AGTPBP1: variants seen among roughly 807,000 people sequenced by gnomAD.
AGTPBP1 encodes the protein ATP/GTP binding carboxypeptidase 1, also known as cytosolic carboxypeptidase 1.
Under a neutral mutation model 143.9 loss-of-function variants are expected in AGTPBP1, and 70 were observed. The observed-to-expected ratio is 0.49, with a 90% CI of 0.40 to 0.59. The LOEUF (loss-of-function observed/expected upper bound fraction) is 0.59. Ranked by LOEUF, AGTPBP1 falls within the 20% of genes least tolerant of loss-of-function variation. The probability of loss-of-function intolerance (pLI) is 0.00; values close to 1 mark genes in which losing one functional copy is unlikely to be tolerated. For synonymous variants in AGTPBP1, 463 were observed against 500.2 expected (o/e 0.93, Z 0.99); for missense variants, 1,229 against 1,464.5 (o/e 0.84, Z 2.62).
At chr9:85,681,745 C>CTTTTTTT (rs1204253430) in intron 3 of AGTPBP1, among the ~76,000 whole-genome samples, 10 of 105,896 alleles carry the variant, frequency 9.4e-5, no homozygotes, top group East Asian at 3.5e-4. Context: ...GCATTAATAT[C>CTTTTTTT]TTTTTTTTTT....
chr9:85,756,995 T>C, the AGTPBP1 span, among the ~76,000 whole-genome samples: 1 of 149,440 alleles, frequency 6.7e-6, no homozygotes, highest in African/African-American at 2.4e-5. Flanking sequence ...GTGTGGGGTT[T>C]CTTTTTTTTG....
At chr9:85,693,496 G>A (rs1407249307) in intron 2 of AGTPBP1, among the ~76,000 whole-genome samples, 1 of 152,154 alleles carries the variant, frequency 6.6e-6, no homozygotes, top group Non-Finnish European at 1.5e-5. Flanking sequence ...TACTTGGGAG[G>A]CTGAGACAGG....
rs55882437 is a variant in AGTPBP1 at position 85,572,004 on chromosome 9, G to GTTTTTTTTTT, written c.3503+3301_3503+3310dup. 1.1e-3 allele frequency among the ~76,000 whole-genome samples: 49 copies of GTTTTTTTTTT among 43,458 alleles called. 4 individuals carry two copies. Among genetic ancestry groups the GTTTTTTTTTT allele is most frequent in the East Asian group, 4.5e-3 (4 of 894 alleles). 28.5% of individuals were successfully genotyped at this position (43,458 alleles called of 152,430 possible). A position where few individuals can be genotyped will look rare whatever the true frequency, so the allele number is the denominator to read the frequency against. ...TGGCCATTATTAGTTGTTTGTGTGT[G>GTTTTTTTTTT]TTTTTTTTTTTTTTTTTTTTTTTTT... On this transcript the variant is annotated intron_variant, in intron 25 of 25. Transcript: ENST00000357081.
At chr9:85,784,417 T>A in the AGTPBP1 span, among the ~76,000 whole-genome samples, 1 of 151,832 alleles carries the variant, frequency 6.6e-6, no homozygotes, top group East Asian at 1.9e-4. Context: ...GGAGCAGGAT[T>A]TTTTTTTAGA....
the AGTPBP1 span, among the ~76,000 whole-genome samples, chr9:85,771,119 A>G: frequency 6.6e-6 from 1 of 152,350 alleles, no homozygotes; most frequent in South Asian, 2.1e-4. Flanking sequence ...GAAGTGTTAA[A>G]CAATGAGATA....
At chr9:85,677,316 G>A (rs537629974) in intron 6 of AGTPBP1, 120 bp downstream of exon 6, 1 of 863,820 alleles carries the variant, frequency 1.2e-6, no homozygotes, top group East Asian at 2.8e-5. Flanking sequence ...TACAATTATT[G>A]TGTATCCATA....
the AGTPBP1 span, among the ~76,000 whole-genome samples, chr9:85,758,657 C>A: frequency 6.6e-6 from 1 of 151,828 alleles, no homozygotes; most frequent in Non-Finnish European, 1.5e-5. Context: ...CAAAAAGGGT[C>A]AGAGGATAAA....
At chr9:85,759,312 A>G in the AGTPBP1 span, among the ~76,000 whole-genome samples, 3 of 152,188 alleles carry the variant, frequency 2.0e-5, no homozygotes, top group African/African-American at 7.2e-5. Flanking sequence ...CATCAACACA[A>G]TATACATTCT....
chr9:85,634,042 AT>A (rs547560761), intron 13 of AGTPBP1, among the ~76,000 whole-genome samples: 170 of 151,924 alleles, frequency 1.1e-3, no homozygotes, highest in African/African-American at 3.8e-3. Context: ...AACTACAAAA[AT>A]TAGCTGGGCA....
intron 3 of AGTPBP1, among the ~76,000 whole-genome samples, chr9:85,687,832 G>A (rs374907676): frequency 1.3e-5 from 2 of 152,072 alleles, no homozygotes; most frequent in African/African-American, 4.8e-5. Context: ...GCTCATGCCT[G>A]TAATCCCAGG....
intron 6 of AGTPBP1, among the ~76,000 whole-genome samples, chr9:85,675,187 T>G (rs528315099): frequency 6.6e-6 from 1 of 152,112 alleles, no homozygotes; most frequent in South Asian, 2.1e-4. Context: ...TGAGACACCG[T>G]ACCCGGCCAA....
Position 85,633,194 on chromosome 9 carries a change from T to C in AGTPBP1, c.1483A>G (p.Met495Val). 1 of 1,613,586 alleles carries C rather than the reference T, an allele frequency of 6.2e-7. No homozygotes were observed. Among genetic ancestry groups the C allele is most frequent in the Non-Finnish European group, 8.5e-7 (1 of 1,179,904 alleles). ...GDEGEKKSTF[M>V]DLAKEDIKDN... ...TTAATATCTTCTTTTGCTAGATCCA[T>C]AAAGGTAGACTTCTTTTCACCTTCA... Residue 495 changes from methionine to valine, a missense_variant, in exon 14 of 26, where the codon ATG (methionine) becomes GTG (valine). Transcript: ENST00000357081.
intron 3 of AGTPBP1, among the ~76,000 whole-genome samples, chr9:85,682,148 C>G (rs191648421): frequency 9.1e-4 from 129 of 141,454 alleles, no homozygotes; most frequent in Non-Finnish European, 4.1e-4. Context: ...CCCAAATGAT[C>G]CTTTTCCTCT....
the AGTPBP1 span, among the ~76,000 whole-genome samples, chr9:85,749,251 T>C: frequency 2.6e-5 from 4 of 152,116 alleles, no homozygotes; most frequent in Non-Finnish European, 5.9e-5. Context: ...TGCCTCAGCC[T>C]CCCAAAATGC....
In AGTPBP1 at chr9:85,692,791, C is replaced by A. The variant is rs138810571; in HGVS notation, c.55G>T (p.Val19Leu). 1 of 1,613,760 alleles carries A rather than the reference C, an allele frequency of 6.2e-7. No individual in the cohort carries two copies. The highest frequency in any genetic ancestry group is 8.5e-7 in the Non-Finnish European group (1 of 1,179,878). Residue 19 changes from valine (V) to leucine (L), a missense_variant, in exon 3 of 26, where the codon GTA (valine) becomes TTA (leucine). Val to Leu is a conservative substitution (Grantham distance 32). Around this residue, in one of 2 missense-constraint regions of AGTPBP1, gnomAD observed 743 missense variants for 812.2 expected, o/e 0.91. Transcript: ENST00000357081. ...EKSLTNNSRI[V>L]GLLAQLEKIN... Reference sequence around the variant, plus strand: ...TTCTCCAGTTGAGCCAGGAGTCCTACGATCCTAGAATTATTGGTAAGGCTA... The same window carrying A: ...TTCTCCAGTTGAGCCAGGAGTCCTAAGATCCTAGAATTATTGGTAAGGCTA...
At chr9:85,570,055 A>G (rs1827362299) in intron 25 of AGTPBP1, among the ~76,000 whole-genome samples, 1 of 150,196 alleles carries the variant, frequency 6.7e-6, no homozygotes, top group African/African-American at 2.5e-5. Flanking sequence ...TTCATGCCTG[A>G]AACTGTGGAC....
At chr9:85,652,325 A>G (rs997734709) in intron 11 of AGTPBP1, among the ~76,000 whole-genome samples, 7 of 152,152 alleles carry the variant, frequency 4.6e-5, no homozygotes, top group African/African-American at 1.7e-4. Flanking sequence ...CCTAGCCAAC[A>G]TGGTGAAACC....
At chr9:85,624,476 T>C (rs959112063) in intron 14 of AGTPBP1, among the ~76,000 whole-genome samples, 2 of 152,316 alleles carry the variant, frequency 1.3e-5, no homozygotes, top group South Asian at 4.2e-4. Flanking sequence ...TATAAAATGC[T>C]TGTTACTGAA....
intron 1 of AGTPBP1, chr9:85,741,310 A>G: frequency 1.0e-6 from 1 of 985,422 alleles, no homozygotes; most frequent in Non-Finnish European, 1.2e-6. Context: ...GAATTCTCGA[A>G]GCACAGGGGC....
Sources: allele counts gnomAD v4.1 joint callset (sites outside exome capture counted in the v4.1 genomes callset), GRCh38; gene constraint gnomAD v4.1.1; regional missense constraint gnomAD v4.1.1; transcripts MANE v1.5; gene names NCBI Gene and HGNC (gene_info 2026-07-23, HGNC 2026-07-21).